The following TTI1 variants were observed in gnomAD, a reference collection of about 807,000 sequenced individuals.
TTI1 encodes the protein TELO2-interacting protein 1 homolog.
TTI1 carries 52 observed loss-of-function variants against 85.4 expected under a neutral mutation model. The observed-to-expected ratio is 0.61, with a 90% CI of 0.49 to 0.77. The LOEUF (loss-of-function observed/expected upper bound fraction) is 0.77, where lower values mean the gene tolerates loss of function less well. Among genes scored for constraint, TTI1 ranks in the 30% least tolerant of loss-of-function variants. The probability of loss-of-function intolerance (pLI) is 0.00; values close to 1 mark genes in which losing one functional copy is unlikely to be tolerated. For missense variants in TTI1, 1,173 were observed against 1,296.0 expected (o/e 0.91, Z 1.46); for synonymous variants, 512 against 503.9 (o/e 1.02, Z -0.22).
intron 7 of TTI1, among the ~76,000 whole-genome samples, chr20:37,985,588 C>T (rs889461664): frequency 2.0e-5 from 3 of 150,818 alleles, no homozygotes; most frequent in African/African-American, 2.4e-5. Flanking sequence ...AGTGCAATGG[C>T]GCGATCTCAG....
chr20:37,992,284 T>C, intron 7 of TTI1, among the ~76,000 whole-genome samples: 1 of 149,026 alleles, frequency 6.7e-6, no homozygotes, highest in Admixed American at 6.7e-5. Flanking sequence ...CATCTTCTTC[T>C]TTTTTTTTTG....
At chr20:38,020,317 A>G (rs1296769232) in intron 1 of TTI1, among the ~76,000 whole-genome samples, 3 of 44,050 alleles carry the variant, frequency 6.8e-5, no homozygotes, top group African/African-American at 4.4e-4. Context: ...TATGAAAAAA[A>G]AAAAAAATAT....
chr20:37,985,813 A>G (rs1360840456), intron 7 of TTI1, among the ~76,000 whole-genome samples: 3 of 152,090 alleles, frequency 2.0e-5, no homozygotes, highest in African/African-American at 7.2e-5. Context: ...ATGTGTGAGC[A>G]CCGGGCCCGG....
rs150786307 is a variant in TTI1, at chr20:38,012,090, A to G, written c.1727T>C (p.Leu576Pro). The G allele has an allele frequency of 1.6e-4, 253 of 1,614,192 alleles. 1 individual carries two copies. In the African/African-American group the frequency reaches 3.2e-3, roughly 20 times the overall value. ...CTCCTCTCCCATTTCCTCAGTTTCA[A>G]GACAGGTAACCAAATACCAATTTTC... ...SQENWYLVTCLETEEMGEELM... is the reference protein window; with the variant it reads ...SQENWYLVTCPETEEMGEELM... The change falls in exon 2 of 8, where the codon CTT (leucine) becomes CCT (proline). Residue 576 changes from leucine to proline, a missense_variant. By Grantham distance (98) the Leu-to-Pro change is moderately conservative. Transcript: ENST00000373447.
intron 7 of TTI1, among the ~76,000 whole-genome samples, chr20:37,989,889 C>A (rs1032066733): frequency 2.0e-5 from 3 of 152,246 alleles, no homozygotes; most frequent in Admixed American, 2.0e-4. Context: ...GTATTTACTG[C>A]AAGGACGTTG....
intron 1 of TTI1, among the ~76,000 whole-genome samples, chr20:38,026,310 C>A (rs1814780374): frequency 6.6e-6 from 1 of 152,096 alleles, no homozygotes; most frequent in African/African-American, 2.4e-5. Flanking sequence ...CAGGTGGGCA[C>A]CAGCACTCCC....
chr20:38,032,139 T>A (rs556712935), intron 1 of TTI1, among the ~76,000 whole-genome samples: 2 of 152,296 alleles, frequency 1.3e-5, no homozygotes, highest in East Asian at 3.9e-4. Context: ...CTTAGTAATG[T>A]GATCTTGGGT....
chr20:38,031,371 T>C (rs2073903310), intron 1 of TTI1, among the ~76,000 whole-genome samples: 1 of 152,256 alleles, frequency 6.6e-6, no homozygotes, highest in African/African-American at 2.4e-5. Flanking sequence ...TTGTCCTCTC[T>C]GCTGTTGCTC....
At chr20:38,009,501 T>G (rs1483020131) in intron 2 of TTI1, among the ~76,000 whole-genome samples, 1 of 151,570 alleles carries the variant, frequency 6.6e-6, no homozygotes, top group East Asian at 1.9e-4. Flanking sequence ...CCCACCTGAA[T>G]TTTTATTTAT....
intron 1 of TTI1, among the ~76,000 whole-genome samples, chr20:38,027,815 T>A (rs777589583): frequency 6.6e-5 from 10 of 152,024 alleles, no homozygotes; most frequent in Non-Finnish European, 1.5e-4. Context: ...TCCCAGCTAC[T>A]CAGGAGGCTG....
In TTI1 at chr20:38,021,355, T is replaced by C. The variant is rs536001938; in HGVS notation, c.-41-7498A>G. On this transcript the variant is annotated intron_variant, in intron 1 of 7. Coordinates refer to ENST00000373447, the MANE Select transcript of TTI1 (RefSeq NM_001303457.2). ...CACAGTTGTGTGACAATATGTCAAT[T>C]ACAGAAAGAATTGTTTAGAGATTTA... Among the ~76,000 whole-genome samples the C allele has an allele frequency of 9.2e-5, 14 of 152,360 alleles. No homozygotes were observed. The South Asian group carries it at 2.7e-3, about 29-fold the overall frequency.
In TTI1 at chr20:37,983,365, G is replaced by A. The variant is rs950535067; in HGVS notation, c.*91C>T. 2.2e-5 allele frequency: 29 copies of A among 1,338,390 alleles called. No individual in the cohort carries two copies. The Admixed American group carries it at 4.3e-4, about 20-fold the overall frequency. 82.9% of individuals were successfully genotyped at this position (1,338,390 alleles called of 1,614,324 possible). On this transcript the variant is annotated 3_prime_UTR_variant, in exon 8 of 8. Transcript: ENST00000373447. The stretch of plus-strand genomic sequence containing the variant: ...TAACTAATTCACCTTCTCTGCTGCC[G>A]CTGCCACCGCCTATGGCCGGGGTGG...
At chr20:38,010,502 A>G (rs1240838007) in intron 2 of TTI1, among the ~76,000 whole-genome samples, 11 of 119,206 alleles carry the variant, frequency 9.2e-5, no homozygotes, top group African/African-American at 3.7e-4. Context: ...ACAGAGTCTC[A>G]CTCTGTCACC....
rs1421772031 is a variant in TTI1 at position 37,993,888 on chromosome 20, A to G, written c.3086+2487T>C. Among the ~76,000 whole-genome samples, 4 of 152,278 alleles carry G rather than the reference A, an allele frequency of 2.6e-5. No homozygotes were observed. The East Asian group carries it at 7.7e-4, about 29-fold the overall frequency. On this transcript the variant is annotated intron_variant, in intron 7 of 7. Transcript: ENST00000373447. ...TGACTGCAGTATGGAGAATACCTAG[A>G]GGGGCAGGACTGGAAGTGGGACCAG... is the stretch of plus-strand genomic sequence containing the variant.
chr20:37,987,567 C>G (rs1283234774), intron 7 of TTI1: 1 of 357,988 alleles, frequency 2.8e-6, no homozygotes, highest in African/African-American at 2.1e-5. Context: ...TATCTGGTCC[C>G]CAGAGTATCG....
chr20:38,010,858 C>G (rs575558898), intron 2 of TTI1, among the ~76,000 whole-genome samples: 1 of 152,274 alleles, frequency 6.6e-6, no homozygotes, highest in African/African-American at 2.4e-5. Flanking sequence ...TAAACCAACT[C>G]ACACAATTAA....
rs747433972 is a variant in TTI1, at chr20:38,006,296, T to C, written c.2404A>G (p.Ser802Gly). 10 of 1,614,226 alleles carry C rather than the reference T, an allele frequency of 6.2e-6. No individual in the cohort carries two copies. Among genetic ancestry groups the C allele is most frequent in the Non-Finnish European group, 8.5e-6 (10 of 1,180,036 alleles). The change falls in exon 3 of 8, where the codon AGC (serine) becomes GGC (glycine). Residue 802 changes from serine (S) to glycine (G), a missense_variant. By Grantham distance (56) the Ser-to-Gly change is moderately conservative. Transcript: ENST00000373447. ...LNQRPAALEK[S>G]TTTAEDIEQF... ...TCGATGTCTTCAGCTGTGGTGGTGC[T>C]CTTCTCAAGAGCTGCTGGTCTTTGG...
chr20:38,000,272 G>C (rs373851771), intron 4 of TTI1: 9 of 154,424 alleles, frequency 5.8e-5, no homozygotes, highest in African/African-American at 1.7e-4. Context: ...ACCAAGTTCT[G>C]TTACCACTAC....
In TTI1 at chr20:37,999,220, C is replaced by A. The variant is rs375131638; in HGVS notation, c.2761G>T (p.Asp921Tyr). ...GCTCTAAGCACTGCCAGGGGGGCGTCCCGTGTGAGTCGGTGAACGAGCGAG... is the reference window on the plus strand; with the variant it reads ...GCTCTAAGCACTGCCAGGGGGGCGTACCGTGTGAGTCGGTGAACGAGCGAG... ...WPSLVHRLTR[D>Y]APLAVLRAFK... Residue 921 changes from aspartate (D) to tyrosine (Y), a missense_variant, in exon 5 of 8, where the codon GAC becomes TAC. Physicochemically the swap from Asp to Tyr is radical, Grantham distance 160 (BLOSUM62 -3). Transcript: ENST00000373447. 18 of 1,505,208 alleles carry A rather than the reference C, an allele frequency of 1.2e-5. No individual in the cohort carries two copies. Among genetic ancestry groups the A allele is most frequent in the African/African-American group, 2.8e-5 (2 of 70,352 alleles). 93.2% of individuals were successfully genotyped at this position (1,505,208 alleles called of 1,614,324 possible).
Sources: allele counts gnomAD v4.1 joint callset (sites outside exome capture counted in the v4.1 genomes callset), GRCh38; gene constraint gnomAD v4.1.1; transcripts MANE v1.5; gene names NCBI Gene and HGNC (gene_info 2026-07-23, HGNC 2026-07-21).